The following SGCA variants were observed in gnomAD, a reference collection of about 807,000 sequenced individuals.
The protein encoded by SGCA is alpha-sarcoglycan.
In SGCA, 34 loss-of-function variants were observed where a neutral mutation model predicts 38.1. The observed-to-expected ratio is 0.89, with a 90% confidence interval of 0.68 to 1.19. The LOEUF (loss-of-function observed/expected upper bound fraction) is 1.19. Ranked by LOEUF, SGCA falls within the 50% of genes most tolerant of loss-of-function variation. The pLI, the probability that SGCA is intolerant of heterozygous loss-of-function variation, is 0.00. For missense variants in SGCA, 476 were observed against 524.9 expected (o/e 0.91, Z 0.91); for synonymous variants, 209 against 214.6 (o/e 0.97, Z 0.23).
intron 6 of SGCA, 191 bp downstream of exon 6, chr17:50,169,445 A>ACACACACC (rs369628436): frequency 2.6e-4 from 152 of 574,580 alleles, no homozygotes; most frequent in African/African-American, 1.2e-3. Flanking sequence ...ACACACACAC[A>ACACACACC]CCCCTGAAGT....
rs886042777 is a variant in SGCA, at chr17:50,170,133, C to A, written c.748-10C>A. ...CCACTTCCTGCGTCAGCCCTGAGCT[C>A]TCTGTGCAGGTGGATAAGTCAGTGC... On this transcript the variant is annotated splice_polypyrimidine_tract_variant and intron_variant, in intron 6 of 9. Coordinates refer to ENST00000262018, the MANE Select transcript of SGCA (RefSeq NM_000023.4). 2 of 1,613,376 alleles carry A rather than the reference C, an allele frequency of 1.2e-6. No individual in the cohort carries two copies. Among genetic ancestry groups the A allele is most frequent in the Non-Finnish European group, 1.7e-6 (2 of 1,179,372 alleles).
At chr17:50,168,082 G>T (rs1905077580) in intron 4 of SGCA, 63 bp downstream of exon 4, 1 of 1,475,796 alleles carries the variant, frequency 6.8e-7, no homozygotes, top group East Asian at 2.3e-5. Context: ...CTCTCCCGGA[G>T]GGGGAGGGGG....
chr17:50,168,055 TG>T, intron 4 of SGCA, 36 bp downstream of exon 4: 1 of 1,571,498 alleles, frequency 6.4e-7, no homozygotes, highest in Non-Finnish European at 8.8e-7. Context: ...TCCCCACCAA[TG>T]CCAGTCTTGG....
At position 50,167,764 on chromosome 17, in the gene SGCA, C is replaced by A. The variant is rs1227302561; in HGVS notation, c.312+28C>A. 6.2e-7 allele frequency: 1 copy of A among 1,600,824 alleles called. No homozygotes were observed. Among genetic ancestry groups the A allele is most frequent in the Admixed American group, 1.7e-5 (1 of 58,478 alleles). ...GCCGTCAGGGACCCTGAGAAAATCA[C>A]AGGGGTGGGCCAGAGTGGCCTCCTA... On this transcript the variant is annotated intron_variant, in intron 3 of 9. Transcript: ENST00000262018. This position sits in a 1 kb window ranked among gnomAD's most constrained non-coding sequence, Gnocchi z 4.5.
intron 8 of SGCA, among the ~76,000 whole-genome samples, chr17:50,173,720 GAAAA>G (rs1405888573): frequency 6.6e-6 from 1 of 152,168 alleles, no homozygotes; most frequent in Non-Finnish European, 1.5e-5. Context: ...CCTGGGAATA[GAAAA>G]TTGGGTTTCG....
In SGCA at chr17:50,175,378, G is replaced by A. The variant is rs750104371; in HGVS notation, c.1105G>A (p.Glu369Lys). The A allele has an allele frequency of 1.9e-6, 3 of 1,613,038 alleles. No individual in the cohort carries two copies. The highest frequency in any genetic ancestry group is 1.7e-6 in the Non-Finnish European group (2 of 1,180,006). Residue 369 changes from glutamate (E) to lysine (K), a missense_variant, in exon 9 of 10, where the codon GAG (glutamate) becomes AAG (lysine). Physicochemically the swap from Glu to Lys is moderately conservative, Grantham distance 56 (BLOSUM62 1). Transcript: ENST00000262018. ...GCCCATGTTCAATGTGCACACAGGT[G>A]AGCGGCTGCCTCCCCGCGTGGACAG... is the stretch of plus-strand genomic sequence containing the variant. The part of the protein sequence containing the change: ...TLPMFNVHTG[E>K]RLPPRVDSAQ...
rs2144492657 is a variant in SGCA at position 50,167,245 on chromosome 17, G to A, written c.38-123G>A. On this transcript the variant is annotated intron_variant, in intron 1 of 9. Transcript: ENST00000262018. The surrounding 1 kb of genome is among the most constrained non-coding windows in gnomAD (Gnocchi z 4.5). ...CCCCACCCCAATCCCTTCCTGGGAG[G>A]CAGCAAAGGAAGCGCTTCTCTCGGT... The A allele has an allele frequency of 7.3e-7, 1 of 1,378,696 alleles. No individual in the cohort carries two copies. Among genetic ancestry groups the A allele is most frequent in the South Asian group, 1.2e-5 (1 of 80,580 alleles). 85.4% of individuals were successfully genotyped at this position (1,378,696 alleles called of 1,614,324 possible). A position where few individuals can be genotyped will look rare whatever the true frequency, so the allele number is the denominator to read the frequency against.
At chr17:50,170,047 T>C (rs1448529718) in intron 6 of SGCA, 96 bp from the exon 7 acceptor site, 1 of 1,022,720 alleles carries the variant, frequency 9.8e-7, no homozygotes, top group Non-Finnish European at 1.5e-6. Flanking sequence ...CTGGACTTTG[T>C]GTCTCCTGCC....
Position 50,167,376 on chromosome 17 carries a change from G to T in SGCA, c.46G>T (p.Ala16Ser). The change falls in exon 2 of 10, where the codon GCA becomes TCA. Residue 16 changes from alanine (A) to serine (S), a missense_variant. Physicochemically the swap from Ala to Ser is moderately conservative, Grantham distance 99. Coordinates refer to ENST00000262018, the MANE Select transcript of SGCA (RefSeq NM_000023.4). This position sits in a 1 kb window ranked among gnomAD's most constrained non-coding sequence, Gnocchi z 4.5. ...FWTPLLVVLL[A>S]GLGDTEAQQT... is the part of the protein sequence containing the mutation. ...TTGTGGGGTCCCCACAGTTCTCCTG[G>T]CAGGGCTGGGGGACACCGAGGCCCA... 1 of 1,614,106 alleles carries T rather than the reference G, an allele frequency of 6.2e-7. No homozygotes were observed. The highest frequency in any genetic ancestry group is 1.6e-4 in the Middle Eastern group (1 of 6,062).
At chr17:50,172,146 G>A (rs1347861931) in intron 8 of SGCA, 3 of 456,690 alleles carry the variant, frequency 6.6e-6, no homozygotes, top group African/African-American at 6.0e-5. Flanking sequence ...CCTCGCTGAG[G>A]CTTCCTCTTG....
chr17:50,171,475 G>A lies in SGCA; in HGVS notation c.983+809G>A, dbSNP rs771425133. ...ATTCCCACTGCACTGAGCCAATGGC[G>A]GTCTTGGCACCCCTGACTGCTTGCC... is the stretch of plus-strand genomic sequence containing the variant. On this transcript the variant is annotated intron_variant, in intron 8 of 9. Transcript: ENST00000262018. 6.6e-5 allele frequency: 30 copies of A among 456,422 alleles called. No homozygotes were observed. The Middle Eastern group carries it at 1.3e-3, about 20-fold the overall frequency. The allele number at this position is 456,422 out of a possible 1,614,324, so 28.3% of individuals were successfully genotyped here.
At position 50,167,852 on chromosome 17, in the gene SGCA, C is replaced by T; in HGVS notation, c.313-95C>T. 5 of 1,527,796 alleles carry T rather than the reference C, an allele frequency of 3.3e-6. No homozygotes were observed. The highest frequency in any genetic ancestry group is 4.5e-6 in the Non-Finnish European group (5 of 1,101,648). The allele number at this position is 1,527,796 out of a possible 1,614,324, so 94.6% of individuals were successfully genotyped here. ...CAGTCATTTACATATAATTTACATA[C>T]CTCTAATTTGGTATCTGAGTCCTCT... On this transcript the variant is annotated intron_variant, in intron 3 of 9. Transcript: ENST00000262018. This position sits in a 1 kb window ranked among gnomAD's most constrained non-coding sequence, Gnocchi z 4.5.
chr17:50,174,775 T>C (rs1325634342), intron 8 of SGCA, among the ~76,000 whole-genome samples: 3 of 152,194 alleles, frequency 2.0e-5, no homozygotes, highest in African/African-American at 7.2e-5. Context: ...TCTTGACCAC[T>C]GGGCACTGAG....
chr17:50,172,436 C>T (rs896564441), intron 8 of SGCA: 7 of 380,124 alleles, frequency 1.8e-5, no homozygotes, highest in African/African-American at 4.2e-5. Flanking sequence ...CTGCACGGTG[C>T]GTGCACATAT....
Position 50,175,040 on chromosome 17 carries a change from G to A in SGCA, c.984-217G>A, listed in dbSNP as rs1412820073. On this transcript the variant is annotated intron_variant, in intron 8 of 9. Transcript: ENST00000262018. The stretch of plus-strand genomic sequence containing the variant: ...TCGAACTCCTGACCTCAAGTGATCT[G>A]CCTGCCTTGGCCTCCCAAAGTGCTG... The A allele has an allele frequency of 3.7e-5, 22 of 600,136 alleles. No homozygotes were observed. The Middle Eastern group carries it at 2.2e-3, about 60-fold the overall frequency. The allele number at this position is 600,136 out of a possible 1,614,324, so 37.2% of individuals were successfully genotyped here. A position where few individuals can be genotyped will look rare whatever the true frequency, so the allele number is the denominator to read the frequency against.
chr17:50,173,893 C>G (rs1374932723), intron 8 of SGCA, among the ~76,000 whole-genome samples: 7 of 152,206 alleles, frequency 4.6e-5, no homozygotes, highest in Admixed American at 4.6e-4. Flanking sequence ...CTGTCAGGCT[C>G]TAACCGGAGT....
Position 50,167,439 on chromosome 17 carries a change from G to A in SGCA, c.109G>A (p.Val37Met). ...TLHPLVGRVFVHTLDHETFLS... is the reference protein window; with the variant it reads ...TLHPLVGRVFMHTLDHETFLS... ...ACACCCACTTGTGGGCCGTGTCTTT[G>A]TGCACACCTTGGACCATGAGACGTT... The change falls in exon 2 of 10, where the codon GTG (valine) becomes ATG (methionine). Residue 37 changes from valine (V) to methionine (M), a missense_variant. Coordinates refer to ENST00000262018, the MANE Select transcript of SGCA (RefSeq NM_000023.4). This position sits in a 1 kb window ranked among gnomAD's most constrained non-coding sequence, Gnocchi z 4.5. 1 of 1,614,162 alleles carries A rather than the reference G, an allele frequency of 6.2e-7. No homozygotes were observed. Among genetic ancestry groups the A allele is most frequent in the Non-Finnish European group, 8.5e-7 (1 of 1,180,022 alleles).
At chr17:50,175,206 C>T (rs1157128640) in intron 8 of SGCA, 51 bp from the exon 9 acceptor site, 1 of 1,544,910 alleles carries the variant, frequency 6.5e-7, no homozygotes, top group Non-Finnish European at 8.8e-7. Flanking sequence ...CCAGGCTGTA[C>T]TCCAGGGCAG....
In SGCA at chr17:50,168,083, G is replaced by T. The variant is rs1033603712; in HGVS notation, c.385+64G>T. 15 of 1,477,538 alleles carry T rather than the reference G, an allele frequency of 1.0e-5. No individual in the cohort carries two copies. In the African/African-American group the frequency reaches 1.4e-4, roughly 14 times the overall value. 91.5% of individuals were successfully genotyped at this position (1,477,538 alleles called of 1,614,324 possible). A position where few individuals can be genotyped will look rare whatever the true frequency, so the allele number is the denominator to read the frequency against. ...CAGTCTTGGGGAATCTCTCCCGGAG[G>T]GGGAGGGGGCTGTGGACAGGAGAGG... On this transcript the variant is annotated intron_variant, in intron 4 of 9. Transcript: ENST00000262018.
Sources: allele counts gnomAD v4.1 joint callset (sites outside exome capture counted in the v4.1 genomes callset), GRCh38; gene constraint gnomAD v4.1.1; non-coding constraint Gnocchi (gnomAD v3.1); transcripts MANE v1.5; gene names NCBI Gene and HGNC (gene_info 2026-07-23, HGNC 2026-07-21).